The following DNAJC14 variants were observed in gnomAD, a reference collection of about 807,000 sequenced individuals.
The protein encoded by DNAJC14 is dnaJ homolog subfamily C member 14.
Under a neutral mutation model 68.8 loss-of-function variants are expected in DNAJC14, and 12 were observed. The observed-to-expected ratio is 0.17, with a 90% CI of 0.11 to 0.28. DNAJC14 has a LOEUF of 0.28. DNAJC14 is among the 10% of genes least tolerant of loss of function. The pLI, the probability that DNAJC14 is intolerant of heterozygous loss-of-function variation, is 1.00. For missense variants in DNAJC14, 764 were observed against 875.6 expected (o/e 0.87, Z 1.61); for synonymous variants, 350 against 321.5 (o/e 1.09, Z -0.95).
At position 55,828,579 on chromosome 12, in the gene DNAJC14, G is replaced by C. The variant is rs757917634; in HGVS notation, c.80C>G (p.Pro27Arg). ...SGGASLRTLGPSVDPEIPSFS... is the reference protein window; with the variant it reads ...SGGASLRTLGRSVDPEIPSFS... ...TGAAGGTATTTCAGGGTCCACGGAG[G>C]GTCCTAAAGTCCTGAGGGAGGCACC... is the stretch of plus-strand genomic sequence containing the variant. The change falls in exon 2 of 7, where the codon CCC becomes CGC. Residue 27 changes from proline (P) to arginine (R), a missense_variant. This residue lies in a region of DNAJC14 where 514 missense variants were observed against 521.7 expected (regional missense o/e 0.99). Transcript: ENST00000678005. 1.2e-6 allele frequency: 2 copies of C among 1,613,910 alleles called. No individual in the cohort carries two copies. Among genetic ancestry groups the C allele is most frequent in the African/African-American group, 1.3e-5 (1 of 74,850 alleles).
At position 55,822,408 on chromosome 12, in the gene DNAJC14, A is replaced by C; in HGVS notation, c.1863T>G (p.Phe621Leu). 6.2e-7 allele frequency: 1 copy of C among 1,613,472 alleles called. No homozygotes were observed. The highest frequency in any genetic ancestry group is 8.5e-7 in the Non-Finnish European group (1 of 1,180,040). ...DTHRVPYHISFGSRIPGTRGR... is the reference protein window; with the variant it reads ...DTHRVPYHISLGSRIPGTRGR... Reference sequence around the variant, plus strand: ...CTCTGGTGCCTGGAATCCGAGAACCAAATGAGATGTGATAGGGGACTCTGT... The same window carrying C: ...CTCTGGTGCCTGGAATCCGAGAACCCAATGAGATGTGATAGGGGACTCTGT... The change falls in exon 6 of 7, where the codon TTT becomes TTG. Residue 621 changes from phenylalanine (F) to leucine (L), a missense_variant. Around this residue, in one of 4 missense-constraint regions of DNAJC14, gnomAD observed 134 missense variants for 162.3 expected, o/e 0.83. Transcript: ENST00000678005.
At chr12:55,822,851 TTTCATATCCC>T in intron 4 of DNAJC14, 119 bp from the exon 5 acceptor site, 1 of 1,424,226 alleles carries the variant, frequency 7.0e-7, no homozygotes, top group Non-Finnish European at 9.5e-7. Context: ...CCACTTAGTA[TTTCATATCCC>T]TTCAACGTTC....
In DNAJC14 at chr12:55,828,190, A is replaced by C; in HGVS notation, c.469T>G (p.Cys157Gly). 1 of 1,612,246 alleles carries C rather than the reference A, an allele frequency of 6.2e-7. No individual in the cohort carries two copies. Among genetic ancestry groups the C allele is most frequent in the East Asian group, 2.2e-5 (1 of 44,870 alleles). Residue 157 changes from cysteine (C) to glycine (G), a missense_variant, in exon 2 of 7, where the codon TGT (cysteine) becomes GGT (glycine). By Grantham distance (159) the Cys-to-Gly change is radical. This residue lies in a region of DNAJC14 where 514 missense variants were observed against 521.7 expected (regional missense o/e 0.99). Coordinates refer to ENST00000678005, the MANE Select transcript of DNAJC14 (RefSeq NM_032364.6). ...NGSSSNFCHH[C>G]TSPALGEDEL... Reference sequence around the variant, plus strand: ...TCTTCCCCCAAAGCTGGAGAGGTACAGTGGTGGCAAAAGTTGCTAGAAGAA... The same window carrying C: ...TCTTCCCCCAAAGCTGGAGAGGTACCGTGGTGGCAAAAGTTGCTAGAAGAA...
chr12:55,830,030 C>T (rs1422456152), upstream of DNAJC14: 1 of 152,266 alleles, frequency 6.6e-6, no homozygotes, highest in African/African-American at 2.4e-5. Flanking sequence ...GGACACAGGC[C>T]CCTTTGTATC....
At position 55,828,627 on chromosome 12, in the gene DNAJC14, A is replaced by G; in HGVS notation, c.32T>C (p.Leu11Ser). 1 of 1,613,726 alleles carries G rather than the reference A, an allele frequency of 6.2e-7. No individual in the cohort carries two copies. The highest frequency in any genetic ancestry group is 8.5e-7 in the Non-Finnish European group (1 of 1,179,770). Reference protein sequence around the residue: MAQKHPGERGLYGAHHSGGAS... With the variant: MAQKHPGERGSYGAHHSGGAS... The stretch of plus-strand genomic sequence containing the variant: ...ACCACCACTGTGGTGGGCTCCATAC[A>G]ACCCTCTTTCTCCGGGGTGCTTCTG... Residue 11 changes from leucine to serine, a missense_variant, in exon 2 of 7, where the codon TTG becomes TCG. By Grantham distance (145) the Leu-to-Ser change is moderately radical. Around this residue, in one of 4 missense-constraint regions of DNAJC14, gnomAD observed 514 missense variants for 521.7 expected, o/e 0.99. Transcript: ENST00000678005.
At position 55,828,014 on chromosome 12, in the gene DNAJC14, G is replaced by A; in HGVS notation, c.645C>T (p.Pro215=). Residue 215 remains proline (P), a synonymous_variant, in exon 2 of 7, where the codon CCC becomes CCT. Transcript: ENST00000678005. ...EDTREGGRRD[P]RSPGRHRLGR... ...CCAGCCGATGTCGACCAGGGGACCT[G>A]GGATCCCTACGTCCACCCTCCCGAG... is the stretch of plus-strand genomic sequence containing the variant. The A allele has an allele frequency of 6.2e-7, 1 of 1,613,438 alleles. No homozygotes were observed.
At chr12:55,830,708 T>TG (rs1009737601), upstream of DNAJC14, 2 of 152,704 alleles carry the variant, frequency 1.3e-5, no homozygotes, top group Admixed American at 6.5e-5. Flanking sequence ...GCTATATAGT[T>TG]GGGGGTCTCT....
chr12:55,824,689 C>A (rs1226262413), intron 2 of DNAJC14, among the ~76,000 whole-genome samples: 1 of 152,118 alleles, frequency 6.6e-6, no homozygotes, highest in Non-Finnish European at 1.5e-5. Context: ...TTAACTACAT[C>A]TCTACTTCAA....
rs202131669 is a variant in DNAJC14 at position 55,827,207 on chromosome 12, A to T, written c.1407+45T>A. 2.7e-3 allele frequency: 3,660 copies of T among 1,377,380 alleles called. 21 individuals are homozygous for T. Among genetic ancestry groups the T allele is most frequent in the East Asian group, 4.4e-3 (170 of 38,320 alleles). 85.3% of individuals were successfully genotyped at this position (1,377,380 alleles called of 1,614,324 possible). A position where few individuals can be genotyped will look rare whatever the true frequency, so the allele number is the denominator to read the frequency against. ...CTACATCTCAAAAAAAAAAAAAAAA[A>T]ATATGGGAACAAAAGAGAGAAACAG... On this transcript the variant is annotated intron_variant, in intron 2 of 6. Coordinates refer to ENST00000678005, the MANE Select transcript of DNAJC14 (RefSeq NM_032364.6).
In DNAJC14 at chr12:55,822,044, C is replaced by T. The variant is rs780015828; in HGVS notation, c.2042G>A (p.Ser681Asn). The T allele has an allele frequency of 6.2e-7, 1 of 1,614,056 alleles. No individual in the cohort carries two copies. The highest frequency in any genetic ancestry group is 1.7e-5 in the Admixed American group (1 of 59,994). Residue 681 changes from serine to asparagine, a missense_variant, in exon 7 of 7, where the codon AGC becomes AAC. Transcript: ENST00000678005. ...TTTGGCTTCTCCCTTGGGTACTGTG[C>T]TGTTGGGCTTAGAGGCTGCAGCGGC... The part of the protein sequence containing the change: ...PGAAAASKPN[S>N]TVPKGEAKPK...
chr12:55,827,208 A>T (rs201484313), intron 2 of DNAJC14, 44 bp downstream of exon 2: 1,639 of 1,350,490 alleles, frequency 1.2e-3, no homozygotes, highest in Non-Finnish European at 1.4e-3. Flanking sequence ...AAAAAAAAAA[A>T]TATGGGAACA....
chr12:55,827,130 G>A, intron 2 of DNAJC14, 122 bp downstream of exon 2: 2 of 1,022,590 alleles, frequency 2.0e-6, no homozygotes, highest in Non-Finnish European at 1.3e-6. Flanking sequence ...GGCGGAGGTT[G>A]TAGTGAGCTG....
At chr12:55,829,695 C>G, upstream of DNAJC14, 1 of 803,082 alleles carries the variant, frequency 1.2e-6, no homozygotes, top group Non-Finnish European at 1.5e-6. Flanking sequence ...GGCTGAGAGG[C>G]AAGCCAATCC....
At chr12:55,825,929 A>G (rs1020788077) in intron 2 of DNAJC14, among the ~76,000 whole-genome samples, 11 of 152,076 alleles carry the variant, frequency 7.2e-5, no homozygotes, top group African/African-American at 2.4e-4. Flanking sequence ...GCCCTCTCCT[A>G]TTCTGAGTTG....
At chr12:55,825,737 G>T (rs550394639) in intron 2 of DNAJC14, among the ~76,000 whole-genome samples, 85 of 151,720 alleles carry the variant, frequency 5.6e-4, no homozygotes, top group Non-Finnish European at 9.0e-4. Context: ...GTAGAGACAG[G>T]GTTTCACCAT....
chr12:55,828,308 C>T lies in DNAJC14; in HGVS notation c.351G>A (p.Lys117=), dbSNP rs1324072304. 6.2e-7 allele frequency: 1 copy of T among 1,612,070 alleles called. No homozygotes were observed. The highest frequency in any genetic ancestry group is 2.2e-5 in the East Asian group (1 of 44,874). ...LSKENETGNQ[K]DGNSFLSIPS... ...GAATGGAAAGAAAAGAGTTCCCATC[C>T]TTCTGGTTCCCAGTCTCGTTTTCTT... The change falls in exon 2 of 7, where the codon AAG becomes AAA. Residue 117 remains lysine, a synonymous_variant. Coordinates refer to ENST00000678005, the MANE Select transcript of DNAJC14 (RefSeq NM_032364.6).
rs1411977946 is a variant in DNAJC14, at chr12:55,828,634, T to C, written c.25A>G (p.Arg9Gly). MAQKHPGERGLYGAHHSGG... is the reference protein window; with the variant it reads MAQKHPGEGGLYGAHHSGG... ...CTGTGGTGGGCTCCATACAACCCTC[T>C]TTCTCCGGGGTGCTTCTGGGCCATG... The change falls in exon 2 of 7, where the codon AGA becomes GGA. Residue 9 changes from arginine to glycine, a missense_variant. Around this residue, in one of 4 missense-constraint regions of DNAJC14, gnomAD observed 514 missense variants for 521.7 expected, o/e 0.99. Transcript: ENST00000678005. 1.9e-6 allele frequency: 3 copies of C among 1,613,618 alleles called. No individual in the cohort carries two copies. Among genetic ancestry groups the C allele is most frequent in the Non-Finnish European group, 8.5e-7 (1 of 1,179,664 alleles).
chr12:55,823,795 C>G (rs1880729592), intron 2 of DNAJC14, among the ~76,000 whole-genome samples: 2 of 150,536 alleles, frequency 1.3e-5, no homozygotes, highest in South Asian at 4.2e-4. Flanking sequence ...ACCTCCACCT[C>G]CCAGGTTCTA....
At chr12:55,825,665 TC>T (rs1372273815) in intron 2 of DNAJC14, among the ~76,000 whole-genome samples, 1 of 148,712 alleles carries the variant, frequency 6.7e-6, no homozygotes, top group Non-Finnish European at 1.5e-5. Flanking sequence ...TGCCTCAGCC[TC>T]CCGAGTAGCT....
Sources: allele counts gnomAD v4.1 joint callset (sites outside exome capture counted in the v4.1 genomes callset), GRCh38; gene constraint gnomAD v4.1.1; regional missense constraint gnomAD v4.1.1; transcripts MANE v1.5; gene names NCBI Gene and HGNC (gene_info 2026-07-23, HGNC 2026-07-21).